GRIA1: variants seen among roughly 807,000 people sequenced by gnomAD.
GRIA1 encodes the protein glutamate receptor 1.
GRIA1 carries 31 observed loss-of-function variants against 99.2 expected under a neutral mutation model. The observed-to-expected ratio is 0.31, with a 90% confidence interval of 0.23 to 0.42. The LOEUF (loss-of-function observed/expected upper bound fraction) is 0.42. GRIA1 is among the 10% of genes least tolerant of loss of function. GRIA1 has a pLI of 1.00. For synonymous variants in GRIA1, 438 were observed against 432.4 expected, an observed-to-expected ratio of 1.01 and a Z score of -0.16; for missense variants, 782 against 1,157.5, an observed-to-expected ratio of 0.68 and a Z score of 4.71.
At chr5:153,794,503 T>C in intron 13 of GRIA1, 118 bp from the exon 14 acceptor site, 1 of 725,640 alleles carries the variant, frequency 1.4e-6, no homozygotes, top group Non-Finnish European at 2.5e-6. Flanking sequence ...CATCCTCAGG[T>C]CAAAGGGCAA....
chr5:153,811,272 C>T lies in GRIA1; in HGVS notation c.*47C>T. 6.9e-7 allele frequency: 1 copy of T among 1,443,898 alleles called. No individual in the cohort carries two copies. Among genetic ancestry groups the T allele is most frequent in the Non-Finnish European group, 9.7e-7 (1 of 1,028,104 alleles). The allele number at this position is 1,443,898 out of a possible 1,614,324, so 89.4% of individuals were successfully genotyped here. A position where few individuals can be genotyped will look rare whatever the true frequency, so the allele number is the denominator to read the frequency against. On this transcript the variant is annotated 3_prime_UTR_variant, in exon 16 of 16. Transcript: ENST00000285900. Reference sequence around the variant, plus strand: ...TGGGGAGCAGGCTCGGGCTCCCCAGCCCCATCCCAAACCCTTCAGTGCCAA... The same window carrying T: ...TGGGGAGCAGGCTCGGGCTCCCCAGTCCCATCCCAAACCCTTCAGTGCCAA...
intron 5 of GRIA1, among the ~76,000 whole-genome samples, chr5:153,661,443 C>T (rs745987945): frequency 3.3e-5 from 5 of 152,296 alleles, no homozygotes; most frequent in Middle Eastern, 6.8e-3. Flanking sequence ...TCAACGCTCT[C>T]GGAAATGAAA....
intron 2 of GRIA1, among the ~76,000 whole-genome samples, chr5:153,576,518 C>A (rs563577801): frequency 1.3e-5 from 2 of 152,298 alleles, no homozygotes; most frequent in African/African-American, 4.8e-5. Context: ...TTCTATTTTT[C>A]TAATTTCATT....
intron 2 of GRIA1, among the ~76,000 whole-genome samples, chr5:153,520,093 G>T (rs1194414527): frequency 6.6e-6 from 1 of 152,184 alleles, no homozygotes. Flanking sequence ...CTCTTTGCTA[G>T]ATATGTCAGT....
intron 2 of GRIA1, among the ~76,000 whole-genome samples, chr5:153,555,761 G>C (rs1203271954): frequency 6.6e-6 from 1 of 152,180 alleles, no homozygotes; most frequent in Admixed American, 6.5e-5. Context: ...ACTGCTAAAG[G>C]AGACTCAGGT....
At chr5:153,553,445 G>A (rs552657225) in intron 2 of GRIA1, among the ~76,000 whole-genome samples, 14 of 152,292 alleles carry the variant, frequency 9.2e-5, no homozygotes, top group African/African-American at 3.4e-4. Context: ...GAGGGTTAAC[G>A]GGGAGACTTG....
chr5:153,688,795 C>T (rs1321532613), intron 8 of GRIA1, among the ~76,000 whole-genome samples: 3 of 152,014 alleles, frequency 2.0e-5, no homozygotes, highest in Non-Finnish European at 4.4e-5. Context: ...TCTCGGCTCA[C>T]TGCAACCTCC....
chr5:153,654,141 C>T (rs1754768663), intron 4 of GRIA1, among the ~76,000 whole-genome samples: 1 of 152,192 alleles, frequency 6.6e-6, no homozygotes, highest in Non-Finnish European at 1.5e-5. Context: ...CTTCTTTCAC[C>T]TTTCCACTGT....
rs544251937 is a variant in GRIA1, at chr5:153,764,765, A to G, written c.2022+133A>G. 58 of 645,246 alleles carry G rather than the reference A, an allele frequency of 9.0e-5. 1 individual carries two copies. In the African/African-American group the frequency reaches 9.3e-4, roughly 10 times the overall value. The allele number at this position is 645,246 out of a possible 1,614,324, so 40.0% of individuals were successfully genotyped here. Reference sequence around the variant, plus strand: ...GCTTAACTGACTGTAAGTCAGGGAAACTCAGGACATTTCTAAGCTTTCTAC... The same window carrying G: ...GCTTAACTGACTGTAAGTCAGGGAAGCTCAGGACATTTCTAAGCTTTCTAC... On this transcript the variant is annotated intron_variant, in intron 12 of 15. Coordinates refer to ENST00000285900, the MANE Select transcript of GRIA1 (RefSeq NM_000827.4).
intron 11 of GRIA1, among the ~76,000 whole-genome samples, chr5:153,740,957 A>G (rs1337463944): frequency 6.7e-6 from 1 of 148,262 alleles, no homozygotes; most frequent in Non-Finnish European, 1.5e-5. Context: ...AGGGATGTGA[A>G]GAAATTGGCT....
intron 5 of GRIA1, among the ~76,000 whole-genome samples, chr5:153,674,129 A>C (rs1756397584): frequency 6.6e-6 from 1 of 152,254 alleles, no homozygotes; most frequent in Non-Finnish European, 1.5e-5. Flanking sequence ...AATCACAGCC[A>C]CTATTTATTG....
intron 2 of GRIA1, among the ~76,000 whole-genome samples, chr5:153,601,566 A>G (rs1349910190): frequency 6.6e-6 from 1 of 152,232 alleles, no homozygotes; most frequent in Non-Finnish European, 1.5e-5. Context: ...TGAAAATTAA[A>G]TCAGAGCGGA....
chr5:153,665,556 G>A (rs1755684124), intron 5 of GRIA1, among the ~76,000 whole-genome samples: 1 of 152,198 alleles, frequency 6.6e-6, no homozygotes, highest in Non-Finnish European at 1.5e-5. Flanking sequence ...AGACTTTTAT[G>A]CAGAGACATG....
chr5:153,675,777 GAATT>G (rs1756525554), intron 6 of GRIA1, among the ~76,000 whole-genome samples: 1 of 151,862 alleles, frequency 6.6e-6, no homozygotes, highest in African/African-American at 2.4e-5. Context: ...AACTACATAG[GAATT>G]AATTAAGTAA....
At chr5:153,570,430 T>G (rs1762013237) in intron 2 of GRIA1, among the ~76,000 whole-genome samples, 1 of 152,244 alleles carries the variant, frequency 6.6e-6, no homozygotes, top group South Asian at 2.1e-4. Flanking sequence ...TCAATCCATT[T>G]GAGTTTACAA....
At position 153,789,448 on chromosome 5, in the gene GRIA1, G is replaced by A. The variant is rs938812974; in HGVS notation, c.2271-5173G>A. On this transcript the variant is annotated intron_variant, in intron 13 of 15. Transcript: ENST00000285900. ...CTCGTGAAACTAAAACAATTTCCAA[G>A]TCATTTTATCTAGACATTTCTTTAA... 3.8e-4 allele frequency among the ~76,000 whole-genome samples: 57 copies of A among 151,778 alleles called. 1 individual carries two copies.
chr5:153,793,334 C>T (rs890564990), intron 13 of GRIA1, among the ~76,000 whole-genome samples: 1 of 152,160 alleles, frequency 6.6e-6, no homozygotes, highest in African/African-American at 2.4e-5. Flanking sequence ...TGCTCCTTGC[C>T]ACCTACCATT....
intron 11 of GRIA1, among the ~76,000 whole-genome samples, chr5:153,717,980 A>G (rs975049713): frequency 3.9e-5 from 6 of 152,194 alleles, no homozygotes; most frequent in African/African-American, 1.4e-4. Context: ...TGGAAAAAAA[A>G]TCAATAGAGA....
chr5:153,683,304 G>A (rs899690415), intron 7 of GRIA1, among the ~76,000 whole-genome samples: 1 of 152,094 alleles, frequency 6.6e-6, no homozygotes, highest in South Asian at 2.1e-4. Context: ...TGTCTCTTTC[G>A]CATTCTCTGA....
Sources: gnomAD v4.1 joint callset for allele counts (sites outside exome capture counted in the v4.1 genomes callset) on GRCh38, gnomAD v4.1.1 for gene constraint, MANE v1.5 for transcripts, NCBI Gene and HGNC (gene_info 2026-07-23, HGNC 2026-07-21) for gene names.